KANK1: variants seen among roughly 807,000 people sequenced by gnomAD.
The protein encoded by KANK1 is KN motif and ankyrin repeat domains 1.
In KANK1, 109 loss-of-function variants were observed where a neutral mutation model predicts 106.2. The ratio of observed to expected loss-of-function variants is 1.03; its 90% confidence interval spans 0.88 to 1.20. KANK1 has a LOEUF of 1.20. Among genes scored for constraint, KANK1 ranks in the 50% most tolerant of loss-of-function variants. The pLI is 0.00. For missense variants in KANK1, 2,399 were observed against 1,710.7 expected, an observed-to-expected ratio of 1.40 and a Z score of -7.10; for synonymous variants, 873 against 652.2, an observed-to-expected ratio of 1.34 and a Z score of -5.16.
intron 1 of KANK1, among the ~76,000 whole-genome samples, chr9:557,844 G>A (rs73371066): frequency 0.064 from 9,722 of 152,118 alleles, 1,048 homozygotes; most frequent in African/African-American, 0.22. Context: ...AGCCTGGGCT[G>A]GTTTAATTAA....
chr9:641,661 A>G (rs562194930), intron 1 of KANK1, among the ~76,000 whole-genome samples: 1 of 152,308 alleles, frequency 6.6e-6, no homozygotes, highest in African/African-American at 2.4e-5. Flanking sequence ...ATTCAGTGAG[A>G]AAGAACACAG....
chr9:729,832 CAG>C (rs1049104337), intron 3 of KANK1, among the ~76,000 whole-genome samples: 5 of 152,102 alleles, frequency 3.3e-5, no homozygotes, highest in Admixed American at 1.3e-4. Context: ...GCAGCCAAAA[CAG>C]AGAAAAGAAG....
At chr9:647,521 A>G (rs1055689083) in intron 1 of KANK1, among the ~76,000 whole-genome samples, 20 of 150,932 alleles carry the variant, frequency 1.3e-4, no homozygotes, top group Non-Finnish European at 4.4e-5. Context: ...GTTTTCTAGT[A>G]TAGTCTTTCA....
intron 7 of KANK1, 92 bp downstream of exon 7, chr9:734,927 G>A: frequency 1.2e-6 from 1 of 868,252 alleles, no homozygotes; most frequent in South Asian, 1.4e-5. Flanking sequence ...CCGAGCTGTT[G>A]CTTGCATGCT....
chr9:525,554 AT>A (rs1200320479), intron 1 of KANK1, among the ~76,000 whole-genome samples: 1 of 147,962 alleles, frequency 6.8e-6, no homozygotes, highest in Non-Finnish European at 1.5e-5. Context: ...TAATTTTTGT[AT>A]TTTTTTAGTA....
At chr9:514,117 TCC>T in intron 1 of KANK1, among the ~76,000 whole-genome samples, 1 of 120,678 alleles carries the variant, frequency 8.3e-6, no homozygotes, top group African/African-American at 4.6e-5. Flanking sequence ...CCTCTCTTCC[TCC>T]CTCTCTCTCT....
intron 1 of KANK1, among the ~76,000 whole-genome samples, chr9:554,648 A>G (rs1271074411): frequency 1.3e-5 from 2 of 152,230 alleles, no homozygotes; most frequent in Non-Finnish European, 2.9e-5. Flanking sequence ...CGGATTCATC[A>G]AATGAATCTT....
intron 1 of KANK1, among the ~76,000 whole-genome samples, chr9:578,828 A>G (rs1178850323): frequency 6.6e-6 from 1 of 152,144 alleles, no homozygotes. Context: ...CCACCTCTGT[A>G]TAATATTTAA....
At chr9:540,089 G>T (rs1387790011) in intron 1 of KANK1, among the ~76,000 whole-genome samples, 1 of 152,170 alleles carries the variant, frequency 6.6e-6, no homozygotes, top group East Asian at 1.9e-4. Context: ...AAGTGGTTAA[G>T]AGTGGGCATC....
chr9:710,045 TAG>T (rs1825498400), intron 2 of KANK1, among the ~76,000 whole-genome samples: 1 of 152,200 alleles, frequency 6.6e-6, no homozygotes, highest in Non-Finnish European at 1.5e-5. Flanking sequence ...GTAGACATTT[TAG>T]ACTACAAAAG....
At chr9:734,902 C>G in intron 7 of KANK1, 67 bp downstream of exon 7, 2 of 1,159,368 alleles carry the variant, frequency 1.7e-6, no homozygotes, top group South Asian at 2.5e-5. Flanking sequence ...ATTGTCAAGG[C>G]CAGCTGTAGG....
chr9:516,812 G>C (rs1287558677), intron 1 of KANK1, among the ~76,000 whole-genome samples: 5 of 151,648 alleles, frequency 3.3e-5, no homozygotes, highest in Non-Finnish European at 7.3e-5. Context: ...TGATTCACTA[G>C]TTATCATTAT....
At chr9:491,602 C>A (rs530798035) in intron 3 of KANK1, among the ~76,000 whole-genome samples, 1 of 151,956 alleles carries the variant, frequency 6.6e-6, no homozygotes, top group African/African-American at 2.4e-5. Flanking sequence ...TGATAGTGGG[C>A]CTCTCTGGGG....
At chr9:582,030 G>A (rs557426733) in intron 1 of KANK1, among the ~76,000 whole-genome samples, 1 of 152,240 alleles carries the variant, frequency 6.6e-6, no homozygotes, top group East Asian at 1.9e-4. Flanking sequence ...TGTGAATGAG[G>A]AAATTTCAGA....
rs1323650224 is a variant in KANK1, at chr9:731,273, A to G, written c.3005+7A>G. ...TTGTTGGCATTAATGGAGGGTAAGG[A>G]AAGATGGTGGTTCTAGAGGCTAATG... is the stretch of plus-strand genomic sequence containing the variant. On this transcript the variant is annotated splice_region_variant and intron_variant, in intron 5 of 11. Transcript: ENST00000382297. The G allele has an allele frequency of 6.5e-7, 1 of 1,536,926 alleles. No individual in the cohort carries two copies. Among genetic ancestry groups the G allele is most frequent in the Non-Finnish European group, 9.0e-7 (1 of 1,111,186 alleles).
chr9:508,852 C>G (rs187584208), intron 1 of KANK1, among the ~76,000 whole-genome samples: 49 of 152,288 alleles, frequency 3.2e-4, no homozygotes, highest in Non-Finnish European at 6.5e-4. Flanking sequence ...TATGAACATT[C>G]TAATTCTAGT....
chr9:613,431 A>C (rs1831045047), intron 1 of KANK1, among the ~76,000 whole-genome samples: 1 of 151,928 alleles, frequency 6.6e-6, no homozygotes, highest in African/African-American at 2.4e-5. Flanking sequence ...ATGCAGCCCA[A>C]CACAAATTTG....
intron 3 of KANK1, among the ~76,000 whole-genome samples, chr9:725,594 A>G (rs1244215521): frequency 3.3e-5 from 5 of 151,982 alleles, no homozygotes; most frequent in Admixed American, 3.3e-4. Flanking sequence ...GTTTTAAACC[A>G]GTCAAAGTAG....
chr9:737,276 A>G (rs957247054), intron 7 of KANK1, among the ~76,000 whole-genome samples: 25 of 152,222 alleles, frequency 1.6e-4, no homozygotes, highest in African/African-American at 5.3e-4. Flanking sequence ...AATGGTTAAA[A>G]CTAAATAATC....
Sources: gnomAD v4.1 joint callset for allele counts (sites outside exome capture counted in the v4.1 genomes callset) on GRCh38, gnomAD v4.1.1 for gene constraint, MANE v1.5 for transcripts, NCBI Gene and HGNC (gene_info 2026-07-23, HGNC 2026-07-21) for gene names.